Variants in OXNAD1 observed in about 807,000 individuals in gnomAD.
OXNAD1 encodes oxidoreductase NAD-binding domain-containing protein 1.
In OXNAD1, 34 loss-of-function variants were observed where a neutral mutation model predicts 32.9. The ratio of observed to expected loss-of-function variants is 1.03; its 90% CI spans 0.79 to 1.38. The LOEUF (loss-of-function observed/expected upper bound fraction) is 1.38. OXNAD1 is among the 40% of genes most tolerant of loss of function. The probability of loss-of-function intolerance (pLI) is 0.00; values close to 1 mark genes in which losing one functional copy is unlikely to be tolerated. For missense variants in OXNAD1, 407 were observed against 379.4 expected (o/e 1.07, Z -0.60); for synonymous variants, 134 against 135.2 (o/e 0.99, Z 0.06).
rs1443671649 is a variant in OXNAD1 at position 16,344,804 on chromosome 3, C to T, written c.*31-4372C>T. On this transcript the variant is annotated intron_variant, in intron 9 of 9. Transcript: ENST00000606098. This position sits in a 1 kb window ranked among gnomAD's most constrained non-coding sequence, Gnocchi z 4.4. ...CTTTTTATTTAGTTGTATTAAAAGC[C>T]TTGGCCAGGTGAATTTCAAAGAACA... is the stretch of plus-strand genomic sequence containing the variant. Among the ~76,000 whole-genome samples the T allele has an allele frequency of 6.6e-6, 1 of 152,172 alleles. No individual in the cohort carries two copies. The highest frequency in any genetic ancestry group is 1.5e-5 in the Non-Finnish European group (1 of 68,036).
intron 5 of OXNAD1, among the ~76,000 whole-genome samples, chr3:16,293,186 T>G (rs189975988): frequency 9.2e-5 from 14 of 152,342 alleles, no homozygotes; most frequent in African/African-American, 3.4e-4. Context: ...ACTTAGATCT[T>G]TAATTTTTTT....
chr3:16,329,322 C>G lies in OXNAD1; in HGVS notation c.*31-7790C>G, dbSNP rs1559819297. ...ATCCTGTTACAACAGCACAAGTGGACCGAGACAGGGCGGAAGTGGAGAAAG... is the reference window on the plus strand; with the variant it reads ...ATCCTGTTACAACAGCACAAGTGGAGCGAGACAGGGCGGAAGTGGAGAAAG... On this transcript the variant is annotated intron_variant, in intron 9 of 9. Coordinates refer to the OXNAD1 transcript ENST00000435829. The surrounding 1 kb of genome is among the most constrained non-coding windows in gnomAD (Gnocchi z 4.5). 2.0e-5 allele frequency among the ~76,000 whole-genome samples: 3 copies of G among 150,884 alleles called. No homozygotes were observed. Among genetic ancestry groups the G allele is most frequent in the Non-Finnish European group, 3.0e-5 (2 of 67,716 alleles).
chr3:16,283,393 A>G (rs2065880726), intron 4 of OXNAD1, among the ~76,000 whole-genome samples: 1 of 152,210 alleles, frequency 6.6e-6, no homozygotes, highest in Non-Finnish European at 1.5e-5. Context: ...TGAATCCGCA[A>G]TTCCTAGCTA....
chr3:16,339,854 A>T (rs2071194976), downstream of OXNAD1: 1 of 152,198 alleles, frequency 6.6e-6, no homozygotes, highest in Non-Finnish European at 1.5e-5. Context: ...TGAGTGAATA[A>T]ATGCACCTGT....
rs117587811 is a variant in OXNAD1, at chr3:16,333,621, A to C, written c.*31-3491A>C. 2.6e-5 allele frequency among the ~76,000 whole-genome samples: 4 copies of C among 152,348 alleles called. No homozygotes were observed. In the East Asian group the frequency reaches 7.7e-4, roughly 29 times the overall value. On this transcript the variant is annotated intron_variant, in intron 9 of 9. Coordinates refer to the OXNAD1 transcript ENST00000435829. The stretch of plus-strand genomic sequence containing the variant: ...TGGAAGGCCTTTCTAAATAACTTAG[A>C]ATCCAGAAACCAAAAAATAAAAATG...
downstream of OXNAD1, among the ~76,000 whole-genome samples, chr3:16,340,946 A>G (rs779916588): frequency 4.6e-5 from 7 of 152,370 alleles, no homozygotes; most frequent in Non-Finnish European, 8.8e-5. Flanking sequence ...CAAAGAATTC[A>G]TAAGACTAAA....
At position 16,299,814 on chromosome 3, in the gene OXNAD1, A is replaced by G. The variant is rs956805052; in HGVS notation, c.433-1812A>G. Among the ~76,000 whole-genome samples, 3 of 152,206 alleles carry G rather than the reference A, an allele frequency of 2.0e-5. No homozygotes were observed. Among genetic ancestry groups the G allele is most frequent in the African/African-American group, 7.2e-5 (3 of 41,450 alleles). On this transcript the variant is annotated intron_variant, in intron 6 of 8. Transcript: ENST00000285083. The surrounding 1 kb of genome is among the most constrained non-coding windows in gnomAD (Gnocchi z 4.4). ...CTATGCTCTTAATACAAGTTTCTTT[A>G]TTCCTAGAATCTGTTTTTTAGTGAC...
At chr3:16,339,225 TTC>T (rs1338074003), downstream of OXNAD1, 1 of 152,206 alleles carries the variant, frequency 6.6e-6, no homozygotes, top group Non-Finnish European at 1.5e-5. Flanking sequence ...TTGGCCAATA[TTC>T]TCTTTGTGGT....
At chr3:16,341,268 T>C (rs1434646769), downstream of OXNAD1, among the ~76,000 whole-genome samples, 4 of 152,326 alleles carry the variant, frequency 2.6e-5, no homozygotes, top group Non-Finnish European at 5.9e-5. The surrounding 1 kb of genome is among the most constrained non-coding windows in gnomAD (Gnocchi z 4.7). Flanking sequence ...AAACTAGACA[T>C]ACTTTACAAT....
chr3:16,345,829 T>TGTGTGTGTGTGTGC lies in OXNAD1; in HGVS notation c.*31-3346_*31-3345insTGTGTGTGTGTGCG, dbSNP rs758493435. On this transcript the variant is annotated intron_variant, in intron 9 of 9. Coordinates refer to the OXNAD1 transcript ENST00000606098. The surrounding 1 kb of genome is among the most constrained non-coding windows in gnomAD (Gnocchi z 5.2). ...GTGTGTGTGTGTGTGCGCGCGCGCG[T>TGTGTGTGTGTGTGC]GCGCGCACGCGCACATGTGCATGTG... Among the ~76,000 whole-genome samples, 3 of 69,826 alleles carry TGTGTGTGTGTGTGC rather than the reference T, an allele frequency of 4.3e-5. No homozygotes were observed. The highest frequency in any genetic ancestry group is 9.0e-4 in the East Asian group (2 of 2,212). 45.8% of individuals were successfully genotyped at this position (69,826 alleles called of 152,430 possible). A position where few individuals can be genotyped will look rare whatever the true frequency, so the allele number is the denominator to read the frequency against.
chr3:16,271,845 A>G lies in OXNAD1; in HGVS notation c.183+123A>G. Reference sequence around the variant, plus strand: ...TTGAAGGAGAGTTGGGAAGTTTGTTATTTTTCTATTTAGAAATTTTCTGAG... The same window carrying G: ...TTGAAGGAGAGTTGGGAAGTTTGTTGTTTTTCTATTTAGAAATTTTCTGAG... On this transcript the variant is annotated intron_variant, in intron 4 of 8. Transcript: ENST00000285083. This position sits in a 1 kb window ranked among gnomAD's most constrained non-coding sequence, Gnocchi z 4.6. 2 of 832,948 alleles carry G rather than the reference A, an allele frequency of 2.4e-6. No homozygotes were observed. Among genetic ancestry groups the G allele is most frequent in the South Asian group, 2.0e-5 (1 of 50,050 alleles). 51.6% of individuals were successfully genotyped at this position (832,948 alleles called of 1,614,324 possible).
downstream of OXNAD1, among the ~76,000 whole-genome samples, chr3:16,341,691 T>C (rs559252182): frequency 1.4e-4 from 22 of 152,056 alleles, no homozygotes; most frequent in African/African-American, 2.7e-4. This position sits in a 1 kb window ranked among gnomAD's most constrained non-coding sequence, Gnocchi z 4.7. Context: ...AGCAAGAAAA[T>C]TGAAGTCAGC....
intron 4 of OXNAD1, chr3:16,272,349 CAT>C (rs1664633037): frequency 4.2e-6 from 1 of 236,728 alleles, no homozygotes; most frequent in Non-Finnish European, 8.6e-6. Flanking sequence ...TGTTTAAAAA[CAT>C]AAATCGGATA....
At chr3:16,306,154 C>G (rs563169320), downstream of OXNAD1, 63 of 152,294 alleles carry the variant, frequency 4.1e-4, no homozygotes, top group African/African-American at 1.4e-3. Context: ...CCAGCCTACT[C>G]AAGGGACTAG....
In OXNAD1 at chr3:16,303,064, A is replaced by C. The variant is rs1254311339; in HGVS notation, c.784+316A>C. 6.6e-6 allele frequency among the ~76,000 whole-genome samples: 1 copy of C among 152,246 alleles called. No individual in the cohort carries two copies. Among genetic ancestry groups the C allele is most frequent in the Admixed American group, 6.5e-5 (1 of 15,282 alleles). ...TTCCATTTGCCATTAATGGTCATTT[A>C]AACAACTCATAATTTCCTCTGAAAG... On this transcript the variant is annotated intron_variant, in intron 8 of 8. Transcript: ENST00000285083. The surrounding 1 kb of genome is among the most constrained non-coding windows in gnomAD (Gnocchi z 4.8).
At chr3:16,349,289 G>A (rs536253069) in exon 10 of OXNAD1, 1 of 152,364 alleles carries the variant, frequency 6.6e-6, no homozygotes, top group East Asian at 1.9e-4. Flanking sequence ...GGCTCCAGGT[G>A]GACTTGTCAC....
rs1377942435 is a variant in OXNAD1 at position 16,304,104 on chromosome 3, A to G, written c.*542A>G. 6.6e-6 allele frequency: 1 copy of G among 152,350 alleles called. No individual in the cohort carries two copies. Among genetic ancestry groups the G allele is most frequent in the Non-Finnish European group, 1.5e-5 (1 of 68,124 alleles). The allele number at this position is 152,350 out of a possible 1,614,324, so 9.4% of individuals were successfully genotyped here. A position where few individuals can be genotyped will look rare whatever the true frequency, so the allele number is the denominator to read the frequency against. ...TTAAGTTTGGACATGGAAAATTGTT[A>G]GGAAAACTGCTTTAGGGAGTTAAAT... On this transcript the variant is annotated 3_prime_UTR_variant, in exon 9 of 9. Transcript: ENST00000285083. The surrounding 1 kb of genome is among the most constrained non-coding windows in gnomAD (Gnocchi z 4.6).
At chr3:16,307,969 GTAAT>G (rs1559780146), downstream of OXNAD1, among the ~76,000 whole-genome samples, 2 of 152,122 alleles carry the variant, frequency 1.3e-5, no homozygotes, top group Non-Finnish European at 2.9e-5. Flanking sequence ...CCATGGAAGA[GTAAT>G]TCAGTGGGAC....
intron 6 of OXNAD1, among the ~76,000 whole-genome samples, chr3:16,300,270 C>A (rs1317562696): frequency 1.3e-5 from 2 of 152,072 alleles, no homozygotes; most frequent in Non-Finnish European, 2.9e-5. Flanking sequence ...GATCCATAAT[C>A]AAAGAGTATG....
Sources: gnomAD v4.1 joint callset for allele counts (sites outside exome capture counted in the v4.1 genomes callset) on GRCh38, gnomAD v4.1.1 for gene constraint, Gnocchi (gnomAD v3.1) non-coding constraint, MANE v1.5 for transcripts, NCBI Gene and HGNC (gene_info 2026-07-23, HGNC 2026-07-21) for gene names.